NME7: variants seen among roughly 807,000 people sequenced by gnomAD.
NME7 encodes NME/NM23 family member 7.
Under a neutral mutation model 49.1 loss-of-function variants are expected in NME7, and 41 were observed. The ratio of observed to expected loss-of-function variants is 0.83; its 90% CI spans 0.65 to 1.08. The LOEUF (loss-of-function observed/expected upper bound fraction) is 1.08. Ranked by LOEUF, NME7 falls within the 50% of genes least tolerant of loss-of-function variation. NME7 has a pLI of 0.00. For synonymous variants in NME7, 139 were observed against 150.6 expected, an observed-to-expected ratio of 0.92 and a Z score of 0.56; for missense variants, 423 against 463.4, an observed-to-expected ratio of 0.91 and a Z score of 0.80.
chr1:169,186,390 T>G (rs535964925), intron 10 of NME7, among the ~76,000 whole-genome samples: 132 of 152,196 alleles, frequency 8.7e-4, no homozygotes, highest in Non-Finnish European at 1.5e-3. Flanking sequence ...GGGGTTTGAC[T>G]ATGTACAATA....
At chr1:169,221,013 T>C (rs1391688360) in intron 10 of NME7, among the ~76,000 whole-genome samples, 1 of 152,184 alleles carries the variant, frequency 6.6e-6, no homozygotes, top group Non-Finnish European at 1.5e-5. Flanking sequence ...AAAATCATAA[T>C]AGAGTAGAGA....
chr1:169,192,212 G>C (rs1557981648), intron 10 of NME7, among the ~76,000 whole-genome samples: 1 of 152,150 alleles, frequency 6.6e-6, no homozygotes, highest in African/African-American at 2.4e-5. Context: ...ATAGGAGTTT[G>C]AAGGAAGGCA....
intron 11 of NME7, among the ~76,000 whole-genome samples, chr1:169,154,506 T>G (rs1659007465): frequency 6.6e-6 from 1 of 152,164 alleles, no homozygotes. Context: ...TGGCTTTTTA[T>G]TTTGAATTTG....
chr1:169,317,847 GCTCT>G (rs199548503), intron 3 of NME7, among the ~76,000 whole-genome samples: 1 of 151,952 alleles, frequency 6.6e-6, no homozygotes, highest in African/African-American at 2.4e-5. Context: ...ATAAGAAAGT[GCTCT>G]CTCTCTCTAC....
chr1:169,153,941 G>A (rs923326535), intron 11 of NME7, among the ~76,000 whole-genome samples: 7 of 151,816 alleles, frequency 4.6e-5, no homozygotes, highest in South Asian at 4.2e-4. Context: ...CTGGGCTCAA[G>A]TGATCTTCTT....
chr1:169,326,695 A>C (rs918258440), intron 1 of NME7, among the ~76,000 whole-genome samples: 1 of 152,188 alleles, frequency 6.6e-6, no homozygotes, highest in Non-Finnish European at 1.5e-5. Context: ...ATTTAAACTT[A>C]ACTTTCTGGT....
At chr1:169,159,329 G>A (rs1407553068) in intron 11 of NME7, among the ~76,000 whole-genome samples, 1 of 152,134 alleles carries the variant, frequency 6.6e-6, no homozygotes, top group African/African-American at 2.4e-5. Flanking sequence ...GTGACTGATG[G>A]TATTACGGAG....
At chr1:169,132,949 TCA>T in intron 11 of NME7, 132 bp from the exon 12 acceptor site, 1 of 607,608 alleles carries the variant, frequency 1.6e-6, no homozygotes, top group East Asian at 2.9e-5. Flanking sequence ...AGTTAATCAA[TCA>T]ATCAGAGGCA....
At chr1:169,295,929 T>C (rs1650689441) in intron 6 of NME7, among the ~76,000 whole-genome samples, 2 of 152,172 alleles carry the variant, frequency 1.3e-5, no homozygotes, top group Admixed American at 1.3e-4. Context: ...TTCCCATCTG[T>C]TGCTATAGAC....
intron 10 of NME7, among the ~76,000 whole-genome samples, chr1:169,219,009 A>T (rs1301141250): frequency 6.6e-6 from 1 of 152,158 alleles, no homozygotes; most frequent in Non-Finnish European, 1.5e-5. Context: ...AGATGGGAGG[A>T]GCTTTAATTT....
intron 7 of NME7, chr1:169,285,844 G>T (rs2101894156): frequency 6.6e-6 from 1 of 152,208 alleles, no homozygotes; most frequent in African/African-American, 2.4e-5. Flanking sequence ...AAAAATTAAA[G>T]AAGTATTAAT....
intron 7 of NME7, among the ~76,000 whole-genome samples, chr1:169,274,250 T>C (rs1242797918): frequency 7.4e-6 from 1 of 134,350 alleles, no homozygotes; most frequent in Non-Finnish European, 1.7e-5. Flanking sequence ...GTCTTTTGGC[T>C]GCATAAATGT....
chr1:169,279,674 C>T (rs141075685), intron 7 of NME7, among the ~76,000 whole-genome samples: 221 of 152,280 alleles, frequency 1.5e-3, no homozygotes, highest in African/African-American at 4.7e-3. Context: ...CTTCGGCTCG[C>T]GCATGATGCG....
intron 10 of NME7, among the ~76,000 whole-genome samples, chr1:169,216,813 T>C (rs1275650094): frequency 6.6e-6 from 1 of 152,218 alleles, no homozygotes; most frequent in East Asian, 1.9e-4. Context: ...AATTGATTGG[T>C]TGTTGGTAGG....
chr1:169,303,117 A>G, intron 5 of NME7, 28 bp downstream of exon 5: 6 of 1,474,342 alleles, frequency 4.1e-6, no homozygotes, highest in Non-Finnish European at 5.6e-6. Context: ...TCCTTTACAT[A>G]CCACTAATCC....
chr1:169,182,565 T>A (rs1659960429), intron 10 of NME7, among the ~76,000 whole-genome samples: 1 of 152,204 alleles, frequency 6.6e-6, no homozygotes, highest in Non-Finnish European at 1.5e-5. Context: ...CCAAGTCTAC[T>A]CCTACTATCA....
intron 7 of NME7, among the ~76,000 whole-genome samples, chr1:169,258,057 G>T (rs930234382): frequency 7.5e-6 from 1 of 132,622 alleles, no homozygotes; most frequent in African/African-American, 2.5e-5. Flanking sequence ...AAAGACATAG[G>T]CCTGGCACAG....
At chr1:169,165,501 AC>A (rs1221383162) in intron 11 of NME7, among the ~76,000 whole-genome samples, 1 of 152,168 alleles carries the variant, frequency 6.6e-6, no homozygotes, top group Non-Finnish European at 1.5e-5. Flanking sequence ...TTTGCGTGTG[AC>A]AGTTCTGGTT....
chr1:169,285,098 A>C (rs1225335006), intron 7 of NME7: 1 of 152,142 alleles, frequency 6.6e-6, no homozygotes, highest in Non-Finnish European at 1.5e-5. Flanking sequence ...TACAGGTTGA[A>C]TATTCCTTAC....
Sources: allele counts gnomAD v4.1 joint callset (sites outside exome capture counted in the v4.1 genomes callset), GRCh38; gene constraint gnomAD v4.1.1; transcripts MANE v1.5; gene names NCBI Gene and HGNC (gene_info 2026-07-23, HGNC 2026-07-21).